LRRC7: variants seen among roughly 807,000 people sequenced by gnomAD.
LRRC7 encodes the protein leucine-rich repeat-containing protein 7.
Under a neutral mutation model 175.7 loss-of-function variants are expected in LRRC7, and 23 were observed. That is an observed-to-expected ratio of 0.13 (90% CI 0.09 to 0.19). LRRC7 has a LOEUF of 0.19. LRRC7 is among the 10% of genes least tolerant of loss of function. The pLI is 1.00. For missense variants in LRRC7, 1,354 were observed against 1,904.7 expected (o/e 0.71, Z 5.38); for synonymous variants, 685 against 680.9 (o/e 1.01, Z -0.09).
intron 1 of LRRC7, among the ~76,000 whole-genome samples, chr1:69,643,459 T>G (rs974176771): frequency 6.6e-6 from 1 of 152,108 alleles, no homozygotes; most frequent in Admixed American, 6.6e-5. Flanking sequence ...AAAACAACTC[T>G]TTTCTCCAAA....
chr1:69,652,929 C>T (rs1389141092), intron 1 of LRRC7, among the ~76,000 whole-genome samples: 1 of 151,782 alleles, frequency 6.6e-6, no homozygotes, highest in East Asian at 1.9e-4. Context: ...GCTGAATACC[C>T]ACACACAAAA....
At chr1:69,760,111 A>G (rs1448457924) in intron 2 of LRRC7, 80 bp from the exon 3 acceptor site, 1 of 1,425,114 alleles carries the variant, frequency 7.0e-7, no homozygotes, top group Admixed American at 2.2e-5. Context: ...TTAAATTTCT[A>G]AGCTTTAAAT....
At chr1:69,925,517 G>C (rs1647038990) in intron 7 of LRRC7, among the ~76,000 whole-genome samples, 1 of 152,014 alleles carries the variant, frequency 6.6e-6, no homozygotes, top group African/African-American at 2.4e-5. Context: ...CTTCTTCCTG[G>C]TTTAGTCTTG....
At chr1:69,725,127 T>C (rs1666802880) in intron 2 of LRRC7, among the ~76,000 whole-genome samples, 1 of 152,076 alleles carries the variant, frequency 6.6e-6, no homozygotes, top group Non-Finnish European at 1.5e-5. Flanking sequence ...TGTATTCTTA[T>C]GATATGGCCA....
intron 3 of LRRC7, among the ~76,000 whole-genome samples, chr1:69,781,477 G>T (rs182846197): frequency 4.6e-5 from 7 of 151,396 alleles, no homozygotes; most frequent in African/African-American, 1.7e-4. Context: ...AGGTCAGGAG[G>T]TCGAGACTAG....
intron 7 of LRRC7, among the ~76,000 whole-genome samples, chr1:69,862,561 C>T (rs774842701): frequency 6.6e-6 from 1 of 152,108 alleles, no homozygotes; most frequent in Non-Finnish European, 1.5e-5. Context: ...TCTGAATCAT[C>T]AGAACAGAGT....
chr1:69,925,112 G>C (rs1426388316), intron 7 of LRRC7, among the ~76,000 whole-genome samples: 14 of 152,112 alleles, frequency 9.2e-5, no homozygotes, highest in Non-Finnish European at 1.9e-4. Context: ...TTATTGATTT[G>C]CATATATTGA....
intron 4 of LRRC7, among the ~76,000 whole-genome samples, chr1:69,823,502 G>A (rs1313057611): frequency 2.0e-5 from 3 of 151,742 alleles, no homozygotes; most frequent in African/African-American, 7.3e-5. Context: ...GGCACTTTTG[G>A]GTCTTCAAAG....
intron 7 of LRRC7, among the ~76,000 whole-genome samples, chr1:69,907,458 T>A (rs1208124757): frequency 1.3e-5 from 2 of 151,954 alleles, no homozygotes; most frequent in Non-Finnish European, 2.9e-5. Context: ...TTATTGAGAG[T>A]TTTTAGCATG....
intron 10 of LRRC7, among the ~76,000 whole-genome samples, chr1:69,991,586 G>C (rs183912688): frequency 6.6e-6 from 1 of 152,254 alleles, no homozygotes; most frequent in Admixed American, 6.5e-5. Flanking sequence ...TGAGAGCTCT[G>C]TTCTGAGGCC....
At chr1:69,726,502 T>G (rs1005619128) in intron 2 of LRRC7, among the ~76,000 whole-genome samples, 5 of 152,194 alleles carry the variant, frequency 3.3e-5, no homozygotes, top group African/African-American at 1.2e-4. Context: ...TGGAAGAAGG[T>G]AGAGAGAATG....
intron 1 of LRRC7, among the ~76,000 whole-genome samples, chr1:69,586,691 T>A (rs1646416560): frequency 6.6e-6 from 1 of 152,192 alleles, no homozygotes. Flanking sequence ...TAAGTAGACA[T>A]CAGTGTCGAT....
At chr1:69,970,032 T>C (rs576886985) in intron 8 of LRRC7, among the ~76,000 whole-genome samples, 99 of 152,258 alleles carry the variant, frequency 6.5e-4, no homozygotes, top group African/African-American at 2.2e-3. Flanking sequence ...TGAATGATCA[T>C]TGGGTCAAAA....
intron 1 of LRRC7, among the ~76,000 whole-genome samples, chr1:69,576,227 GA>G (rs59481658): frequency 8.2e-5 from 12 of 146,256 alleles, no homozygotes; most frequent in Admixed American, 1.4e-4. Flanking sequence ...GTGACACTCT[GA>G]AAAAAAAAAA....
intron 22 of LRRC7, among the ~76,000 whole-genome samples, chr1:70,045,009 C>T (rs6694380): frequency 0.13 from 19,468 of 151,922 alleles, 1,712 homozygotes; most frequent in African/African-American, 0.24. Context: ...TTATGACTCA[C>T]CCCATCAAAA....
intron 7 of LRRC7, among the ~76,000 whole-genome samples, chr1:69,864,074 G>T (rs1159601678): frequency 6.6e-6 from 1 of 151,830 alleles, no homozygotes; most frequent in African/African-American, 2.4e-5. Flanking sequence ...ATCCTTTATG[G>T]CTCAAGGAAG....
Position 70,066,003 on chromosome 1 carries a change from G to A in LRRC7, c.4231-10074G>A, listed in dbSNP as rs79238041. Among the ~76,000 whole-genome samples, 233 of 152,092 alleles carry A rather than the reference G, an allele frequency of 1.5e-3. 3 individuals carry two copies. The highest frequency in any genetic ancestry group is 5.4e-3 in the African/African-American group (223 of 41,546). On this transcript the variant is annotated intron_variant, in intron 23 of 26. Coordinates refer to ENST00000651989, the MANE Select transcript of LRRC7 (RefSeq NM_001370785.2). ...TTCATTGGGAGAAGCATGGTTACTT[G>A]ACTCAGACTGTTGCTGACTGGTTGA...
intron 22 of LRRC7, among the ~76,000 whole-genome samples, chr1:70,049,945 G>T (rs750343079): frequency 2.6e-5 from 4 of 151,916 alleles, no homozygotes; most frequent in African/African-American, 9.7e-5. Flanking sequence ...TAAGAGATAT[G>T]CCCTGAGACC....
chr1:69,922,388 G>T (rs1646917718), intron 7 of LRRC7, among the ~76,000 whole-genome samples: 1 of 151,934 alleles, frequency 6.6e-6, no homozygotes, highest in East Asian at 1.9e-4. Flanking sequence ...CTTCCCCAAG[G>T]CTGAAAAAGT....
Sources: gnomAD v4.1 joint callset for allele counts (sites outside exome capture counted in the v4.1 genomes callset) on GRCh38, gnomAD v4.1.1 for gene constraint, MANE v1.5 for transcripts, NCBI Gene and HGNC (gene_info 2026-07-23, HGNC 2026-07-21) for gene names.